The following SEPTIN3 variants were observed in gnomAD, a reference collection of about 807,000 sequenced individuals.
SEPTIN3 encodes the protein septin 3.
SEPTIN3 carries 15 observed loss-of-function variants against 45.1 expected under a neutral mutation model. The ratio of observed to expected loss-of-function variants is 0.33; its 90% CI spans 0.22 to 0.51. SEPTIN3 has a LOEUF of 0.51. SEPTIN3 is among the 20% of genes least tolerant of loss of function. The pLI is 0.97. For synonymous variants in SEPTIN3, 148 were observed against 164.8 expected, an observed-to-expected ratio of 0.90 and a Z score of 0.78; for missense variants, 289 against 457.2, an observed-to-expected ratio of 0.63 and a Z score of 3.35.
At chr22:41,987,403 G>T in intron 5 of SEPTIN3, 116 bp downstream of exon 5, 1 of 1,147,144 alleles carries the variant, frequency 8.7e-7, no homozygotes. Context: ...TGTAGTTCCC[G>T]ACAGCCCAGG....
intron 2 of SEPTIN3, among the ~76,000 whole-genome samples, chr22:41,974,390 C>T (rs543428020): frequency 6.6e-6 from 1 of 151,826 alleles, no homozygotes; most frequent in Non-Finnish European, 1.5e-5. Flanking sequence ...CCAGGCCAGG[C>T]GTGGTGGCTC....
chr22:41,979,390 C>T (rs1177899839), intron 2 of SEPTIN3, among the ~76,000 whole-genome samples: 4 of 152,150 alleles, frequency 2.6e-5, no homozygotes, highest in Non-Finnish European at 4.4e-5. Context: ...TAAGACCACC[C>T]CCCCAAACCA....
Position 41,972,267 on chromosome 22 carries a change from A to T in SEPTIN3, c.775A>T (p.Met259Leu). The change falls in exon 2 of 12, where the codon ATG becomes TTG. Residue 259 changes from methionine to leucine, a missense_variant. Transcript: ENST00000644076. ...CAACACGACTGTGAATTTGACTGCT[A>T]TGGACACAAGGACAGACGCAGCCAG... The part of the protein sequence containing the change: ...RANTTVNLTA[M>L]DTRTDAARHL... The T allele has an allele frequency of 5.0e-6, 2 of 399,124 alleles. No individual in the cohort carries two copies. The highest frequency in any genetic ancestry group is 8.8e-6 in the Non-Finnish European group (2 of 226,096). The allele number at this position is 399,124 out of a possible 1,614,324, so 24.7% of individuals were successfully genotyped here.
chr22:41,979,573 A>G (rs554111653), intron 2 of SEPTIN3, among the ~76,000 whole-genome samples: 60 of 152,322 alleles, frequency 3.9e-4, no homozygotes, highest in African/African-American at 1.4e-3. Context: ...GTGGAGGAGC[A>G]GGGCCAGGCT....
At position 41,991,568 on chromosome 22, in the gene SEPTIN3, T is replaced by G. The variant is rs566623794; in HGVS notation, c.2164-5T>G. ...GACTACCTTGTTTCTTCTCCTCGCC[T>G]CTAGGTTCGCAAGGAGCTTGAAGTA... On this transcript the variant is annotated splice_region_variant and splice_polypyrimidine_tract_variant and intron_variant, in intron 7 of 11. Transcript: ENST00000644076. 1 of 1,605,864 alleles carries G rather than the reference T, an allele frequency of 6.2e-7. No homozygotes were observed. The highest frequency in any genetic ancestry group is 1.7e-5 in the Admixed American group (1 of 60,020).
At chr22:41,987,089 C>A in intron 4 of SEPTIN3, 117 bp from the exon 5 acceptor site, 1 of 698,450 alleles carries the variant, frequency 1.4e-6, no homozygotes, top group Non-Finnish European at 2.4e-6. Flanking sequence ...CTAAATTTGA[C>A]TTTTCCAATA....
chr22:41,976,176 G>A lies in SEPTIN3; in HGVS notation c.1504+3180G>A. 6.6e-6 allele frequency: 1 copy of A among 152,516 alleles called. No individual in the cohort carries two copies. Among genetic ancestry groups the A allele is most frequent in the Non-Finnish European group, 1.5e-5 (1 of 68,332 alleles). The allele number at this position is 152,516 out of a possible 1,614,324, so 9.4% of individuals were successfully genotyped here. The stretch of plus-strand genomic sequence containing the variant: ...TCATCTCCTCCAAGAAGTCTTCCAA[G>A]CCCCCTCTCCCCAGGGTGCCCACCT... On this transcript the variant is annotated intron_variant, in intron 2 of 11. Coordinates refer to ENST00000644076, the MANE Select transcript of SEPTIN3 (RefSeq NM_001363845.2). The surrounding 1 kb of genome is among the most constrained non-coding windows in gnomAD (Gnocchi z 5.8).
chr22:41,996,817 C>T, intron 11 of SEPTIN3, 85 bp from the exon 12 acceptor site: 1 of 1,584,724 alleles, frequency 6.3e-7, no homozygotes. Flanking sequence ...GAACCATGAT[C>T]TGAGCCTCCC....
intron 11 of SEPTIN3, chr22:41,995,650 T>C: frequency 1.0e-6 from 1 of 985,476 alleles, no homozygotes; most frequent in Non-Finnish European, 1.2e-6. Flanking sequence ...GACTTTAGAC[T>C]GCCTTTCACA....
intron 3 of SEPTIN3, 71 bp downstream of exon 3, chr22:41,981,907 A>C: frequency 2.2e-6 from 3 of 1,370,706 alleles, no homozygotes; most frequent in Non-Finnish European, 3.1e-6. Flanking sequence ...CTTTCCCCCA[A>C]ATGGCTGTGA....
intron 3 of SEPTIN3, among the ~76,000 whole-genome samples, chr22:41,985,056 C>T (rs935333934): frequency 2.0e-5 from 3 of 151,790 alleles, no homozygotes; most frequent in Non-Finnish European, 2.9e-5. Flanking sequence ...GGTGTTTCAC[C>T]GTGTTAGCCA....
chr22:41,996,004 C>G, intron 11 of SEPTIN3: 9 of 985,296 alleles, frequency 9.1e-6, no homozygotes, highest in Non-Finnish European at 1.1e-5. Flanking sequence ...AGACTTCTCT[C>G]CCTTCTAAGC....
Position 41,969,614 on chromosome 22 carries a change from G to T in SEPTIN3, c.-83G>T, listed in dbSNP as rs1050158195. On this transcript the variant is annotated 5_prime_UTR_variant, in exon 1 of 12. Coordinates refer to ENST00000644076, the MANE Select transcript of SEPTIN3 (RefSeq NM_001363845.2). Reference sequence around the variant, plus strand: ...TGGCCAGACTCTGAGTGCAGGGGAGGTGAGGGGCCTGCGTGTGCCTTATCT... The same window carrying T: ...TGGCCAGACTCTGAGTGCAGGGGAGTTGAGGGGCCTGCGTGTGCCTTATCT... 5 of 152,072 alleles carry T rather than the reference G, an allele frequency of 3.3e-5. No homozygotes were observed. The highest frequency in any genetic ancestry group is 1.2e-4 in the African/African-American group (5 of 41,406). 9.4% of individuals were successfully genotyped at this position (152,072 alleles called of 1,614,324 possible). A position where few individuals can be genotyped will look rare whatever the true frequency, so the allele number is the denominator to read the frequency against.
At position 41,991,614 on chromosome 22, in the gene SEPTIN3, C is replaced by T; in HGVS notation, c.2205C>T (p.Pro735=). Residue 735 remains proline (P), a synonymous_variant, in exon 8 of 12, where the codon CCC becomes CCT. Coordinates refer to ENST00000644076, the MANE Select transcript of SEPTIN3 (RefSeq NM_001363845.2). The part of the protein sequence containing the change: ...ELEVNGIEFY[P]QKEFDEDLED... ...AAGTAAATGGCATTGAATTCTACCC[C>T]CAGAAGGAATTTGATGAGGATTTGG... The T allele has an allele frequency of 6.2e-7, 1 of 1,614,076 alleles. No individual in the cohort carries two copies. Among genetic ancestry groups the T allele is most frequent in the Middle Eastern group, 1.6e-4 (1 of 6,062 alleles).
chr22:41,981,767 G>A lies in SEPTIN3; in HGVS notation c.1627G>A (p.Asp543Asn), dbSNP rs1187377656. The change falls in exon 3 of 12, where the codon GAC becomes AAC. Residue 543 changes from aspartate to asparagine, a missense_variant. By Grantham distance (23) the Asp-to-Asn change is conservative. Transcript: ENST00000644076. ...CAACCTGCTGGGCTACATCGGCATC[G>A]ACACCATCATCGAGCAGATGCGCAA... is the stretch of plus-strand genomic sequence containing the variant. The part of the protein sequence containing the change: ...NSNLLGYIGI[D>N]TIIEQMRKKT... The A allele has an allele frequency of 5.0e-6, 8 of 1,614,058 alleles. No homozygotes were observed. Among genetic ancestry groups the A allele is most frequent in the Middle Eastern group, 3.3e-4 (2 of 6,062 alleles).
In SEPTIN3 at chr22:41,994,881, G is replaced by GTC; in HGVS notation, c.2505+169_2505+170dup. 1 of 1,474,182 alleles carries GTC rather than the reference G, an allele frequency of 6.8e-7. No homozygotes were observed. The highest frequency in any genetic ancestry group is 8.9e-7 in the Non-Finnish European group (1 of 1,119,324). The allele number at this position is 1,474,182 out of a possible 1,614,324, so 91.3% of individuals were successfully genotyped here. A position where few individuals can be genotyped will look rare whatever the true frequency, so the allele number is the denominator to read the frequency against. ...CTGTCTGGTATTTGTGGAGCATCTT[G>GTC]TCTGTGTGTGTGTGTGTGTGTGTGT... On this transcript the variant is annotated intron_variant, in intron 11 of 11. Transcript: ENST00000644076. This position sits in a 1 kb window ranked among gnomAD's most constrained non-coding sequence, Gnocchi z 4.2.
rs992220069 is a variant in SEPTIN3, at chr22:41,972,125, G to A, written c.633G>A (p.Ser211=). 4 of 398,964 alleles carry A rather than the reference G, an allele frequency of 1.0e-5. No homozygotes were observed. Among genetic ancestry groups the A allele is most frequent in the African/African-American group, 6.2e-5 (3 of 48,626 alleles). The allele number at this position is 398,964 out of a possible 1,614,324, so 24.7% of individuals were successfully genotyped here. The change falls in exon 2 of 12, where the codon TCG becomes TCA. Residue 211 remains serine, a synonymous_variant. Transcript: ENST00000644076. ...QSAPVLAEPG[S]LGQGHLVSVT... ...CACCAGTCCTTGCAGAGCCAGGCTC[G>A]TTGGGCCAGGGGCACCTTGTCTCAG...
intron 2 of SEPTIN3, among the ~76,000 whole-genome samples, chr22:41,978,893 T>TGGGGGA (rs2078073318): frequency 8.3e-6 from 1 of 120,324 alleles, no homozygotes; most frequent in Non-Finnish European, 1.7e-5. Context: ...GGCTGAATGC[T>TGGGGGA]GGAGGAGGAG....
chr22:41,970,751 G>A (rs1283887551), intron 1 of SEPTIN3, among the ~76,000 whole-genome samples: 8 of 152,188 alleles, frequency 5.3e-5, no homozygotes. Flanking sequence ...GCTTGGTGGA[G>A]CCCTGCCTAC....
Sources: allele counts gnomAD v4.1 joint callset (sites outside exome capture counted in the v4.1 genomes callset), GRCh38; gene constraint gnomAD v4.1.1; non-coding constraint Gnocchi (gnomAD v3.1); transcripts MANE v1.5; gene names NCBI Gene and HGNC (gene_info 2026-07-23, HGNC 2026-07-21).